PLCG2: variants seen among roughly 807,000 people sequenced by gnomAD.
The protein encoded by PLCG2 is phospholipase C gamma 2.
A neutral mutation model predicts 175.6 loss-of-function variants in PLCG2; 69 were observed. The observed-to-expected ratio is 0.39, with a 90% CI of 0.32 to 0.48. The LOEUF (loss-of-function observed/expected upper bound fraction) is 0.48. Ranked by LOEUF, PLCG2 falls within the 20% of genes least tolerant of loss-of-function variation. The pLI is 0.91. For missense variants in PLCG2, 1,798 were observed against 1,650.9 expected (o/e 1.09, Z -1.54); for synonymous variants, 827 against 624.0 (o/e 1.33, Z -4.85).
intron 1 of PLCG2, among the ~76,000 whole-genome samples, chr16:81,780,774 C>G (rs1262434202): frequency 1.3e-5 from 2 of 152,154 alleles, no homozygotes; most frequent in African/African-American, 4.8e-5. Context: ...CACCTGTAAT[C>G]CCAGCACTTT....
chr16:81,739,804 A>T (rs1909544370), intron 1 of PLCG2: 1 of 152,250 alleles, frequency 6.6e-6, no homozygotes, highest in South Asian at 2.1e-4. Flanking sequence ...CCTACTCCGT[A>T]GGGTTGTTAG....
At chr16:81,874,532 C>T (rs1282340079) in intron 7 of PLCG2, among the ~76,000 whole-genome samples, 1 of 152,212 alleles carries the variant, frequency 6.6e-6, no homozygotes, top group Non-Finnish European at 1.5e-5. Flanking sequence ...AAATTGTTTA[C>T]TTCCTGTTCC....
intron 30 of PLCG2, 113 bp downstream of exon 30, chr16:81,940,172 G>A: frequency 1.1e-6 from 1 of 934,064 alleles, no homozygotes; most frequent in Non-Finnish European, 1.6e-6. Flanking sequence ...TGGAATCACT[G>A]TAAAACCGAT....
chr16:81,756,254 C>T (rs1323223613), intron 2 of PLCG2, among the ~76,000 whole-genome samples: 1 of 152,256 alleles, frequency 6.6e-6, no homozygotes. Flanking sequence ...GCCACTGCCC[C>T]CTACCGCCTT....
chr16:81,798,867 T>A (rs1911592254), intron 2 of PLCG2: 1 of 152,462 alleles, frequency 6.6e-6, no homozygotes, highest in African/African-American at 2.4e-5. Context: ...TCTTCTCTGC[T>A]CCTGCTTCGG....
intron 13 of PLCG2, among the ~76,000 whole-genome samples, chr16:81,896,749 C>A: frequency 6.6e-6 from 1 of 152,174 alleles, no homozygotes; most frequent in East Asian, 1.9e-4. Flanking sequence ...TTTTTGAATA[C>A]CCACCTGGGG....
At chr16:81,945,710 G>C (rs541109988) in intron 30 of PLCG2, among the ~76,000 whole-genome samples, 1 of 152,310 alleles carries the variant, frequency 6.6e-6, no homozygotes, top group South Asian at 2.1e-4. Flanking sequence ...ATACTGCTAT[G>C]AACTACTAAG....
chr16:81,864,715 A>G (rs1907143777), intron 5 of PLCG2, among the ~76,000 whole-genome samples: 1 of 152,176 alleles, frequency 6.6e-6, no homozygotes. Flanking sequence ...AGCCGGGGGC[A>G]GTGGAGGTGC....
chr16:81,779,922 A>G (rs1332531232), intron 1 of PLCG2, among the ~76,000 whole-genome samples: 3 of 152,174 alleles, frequency 2.0e-5, no homozygotes, highest in Admixed American at 6.5e-5. Context: ...GAGAGCTTGC[A>G]GGACACTCGC....
chr16:81,854,668 A>AC, intron 3 of PLCG2, 81 bp downstream of exon 3: 1 of 1,269,244 alleles, frequency 7.9e-7, no homozygotes, highest in Non-Finnish European at 1.1e-6. Context: ...CAGAATGCTC[A>AC]CCCCTGCCTG....
chr16:81,740,518 A>G (rs1909566526), intron 1 of PLCG2: 1 of 152,128 alleles, frequency 6.6e-6, no homozygotes, highest in Non-Finnish European at 1.5e-5. Flanking sequence ...AAGCAGGCAG[A>G]TCGCCTGAAG....
intron 2 of PLCG2, among the ~76,000 whole-genome samples, chr16:81,760,810 A>G (rs2143086632): frequency 6.6e-6 from 1 of 152,010 alleles, no homozygotes; most frequent in African/African-American, 2.4e-5. Flanking sequence ...AGTACCTATA[A>G]TCCCAGCACT....
intron 2 of PLCG2, among the ~76,000 whole-genome samples, chr16:81,796,448 G>A (rs1256626218): frequency 1.3e-5 from 2 of 152,240 alleles, no homozygotes; most frequent in African/African-American, 4.8e-5. Flanking sequence ...CCTGGGCATA[G>A]GGGTGGATTG....
intron 2 of PLCG2, among the ~76,000 whole-genome samples, chr16:81,792,056 C>A (rs930631817): frequency 6.6e-6 from 1 of 152,172 alleles, no homozygotes; most frequent in African/African-American, 2.4e-5. Context: ...GCATGCATAT[C>A]GATGGTAGGC....
intron 26 of PLCG2, chr16:81,935,724 A>C (rs1239235225): frequency 1.0e-6 from 1 of 985,214 alleles, no homozygotes; most frequent in Non-Finnish European, 1.2e-6. Flanking sequence ...CCTTCCCTGC[A>C]CAGGCACCCA....
At chr16:81,741,834 G>C (rs535611969) in intron 1 of PLCG2, among the ~76,000 whole-genome samples, 3 of 152,268 alleles carry the variant, frequency 2.0e-5, no homozygotes, top group East Asian at 3.9e-4. Context: ...GATCAAATCA[G>C]AGTCATTATC....
intron 2 of PLCG2, among the ~76,000 whole-genome samples, chr16:81,813,615 C>T (rs1904413019): frequency 6.6e-6 from 1 of 152,182 alleles, no homozygotes; most frequent in Non-Finnish European, 1.5e-5. Flanking sequence ...TTCTGTGGGT[C>T]AGGAATTTGG....
At chr16:81,775,347 C>T (rs1910376049), upstream of PLCG2, among the ~76,000 whole-genome samples, 2 of 152,112 alleles carry the variant, frequency 1.3e-5, no homozygotes, top group Non-Finnish European at 2.9e-5. Flanking sequence ...GAAATTAAGT[C>T]CAAAGAGGGT....
chr16:81,857,735 G>A (rs988324820), intron 3 of PLCG2, among the ~76,000 whole-genome samples: 1 of 152,156 alleles, frequency 6.6e-6, no homozygotes, highest in Non-Finnish European at 1.5e-5. Flanking sequence ...TACCTCAGGG[G>A]TTAGAGATTC....
Sources: allele counts gnomAD v4.1 joint callset (sites outside exome capture counted in the v4.1 genomes callset), GRCh38; gene constraint gnomAD v4.1.1; transcripts MANE v1.5; gene names NCBI Gene and HGNC (gene_info 2026-07-23, HGNC 2026-07-21).